Variants in RELN observed in about 807,000 individuals in gnomAD.
The protein encoded by RELN is reelin.
Under a neutral mutation model 427.6 loss-of-function variants are expected in RELN, and 108 were observed. That is an observed-to-expected ratio of 0.25 (90% CI 0.22 to 0.30). RELN has a LOEUF of 0.30. Among genes scored for constraint, RELN ranks in the 10% least tolerant of loss-of-function variants. RELN has a pLI of 1.00. For synonymous variants in RELN, 1,524 were observed against 1,513.4 expected, an observed-to-expected ratio of 1.01 and a Z score of -0.16; for missense variants, 3,715 against 4,302.8, an observed-to-expected ratio of 0.86 and a Z score of 3.82.
intron 17 of RELN, among the ~76,000 whole-genome samples, chr7:103,639,068 AAAT>A (rs1291638089): frequency 6.6e-6 from 1 of 152,206 alleles, no homozygotes; most frequent in Non-Finnish European, 1.5e-5. Flanking sequence ...ATTTTATTTG[AAAT>A]ACACTAAGAA....
At chr7:103,722,761 C>T (rs547118471) in intron 8 of RELN, among the ~76,000 whole-genome samples, 2 of 152,284 alleles carry the variant, frequency 1.3e-5, no homozygotes, top group African/African-American at 4.8e-5. Context: ...CAGTAATTAT[C>T]TTTCTCACTA....
At chr7:103,874,138 C>G (rs1193935114) in intron 2 of RELN, among the ~76,000 whole-genome samples, 1 of 140,644 alleles carries the variant, frequency 7.1e-6, no homozygotes, top group Non-Finnish European at 1.6e-5. Context: ...CAGAAAAAGC[C>G]TTTGACAAAA....
At chr7:103,565,169 C>A in intron 34 of RELN, 109 bp downstream of exon 34, 1 of 1,376,930 alleles carries the variant, frequency 7.3e-7, no homozygotes, top group Non-Finnish European at 1.0e-6. Context: ...CACTTCCATG[C>A]ATAATTATCA....
intron 1 of RELN, among the ~76,000 whole-genome samples, chr7:103,942,539 A>C (rs1402977298): frequency 6.6e-6 from 1 of 152,188 alleles, no homozygotes; most frequent in African/African-American, 2.4e-5. Context: ...GCTTACCAAA[A>C]ATCTAAGAAG....
In RELN at chr7:103,569,905, G is replaced by A. The variant is rs1830842497; in HGVS notation, c.4588+2279C>T. Among the ~76,000 whole-genome samples the A allele has an allele frequency of 6.6e-6, 1 of 152,140 alleles. No homozygotes were observed. The highest frequency in any genetic ancestry group is 2.4e-5 in the African/African-American group (1 of 41,410). ...CTCTTTTTAAACAGCAGCTCCATCT[G>A]CGTTATGCCCAGTCTTACTGAAAAT... is the stretch of plus-strand genomic sequence containing the variant. On this transcript the variant is annotated intron_variant, in intron 31 of 64. Coordinates refer to ENST00000428762, the MANE Select transcript of RELN (RefSeq NM_005045.4). The surrounding 1 kb of genome is among the most constrained non-coding windows in gnomAD (Gnocchi z 4.0).
At chr7:103,680,163 T>A (rs924168371) in intron 11 of RELN, among the ~76,000 whole-genome samples, 2 of 151,924 alleles carry the variant, frequency 1.3e-5, no homozygotes, top group East Asian at 3.9e-4. Flanking sequence ...TCTTGGAAGA[T>A]ACAGGCACAC....
chr7:103,978,805 G>C (rs1216849230), intron 1 of RELN, among the ~76,000 whole-genome samples: 2 of 152,084 alleles, frequency 1.3e-5, no homozygotes, highest in African/African-American at 2.4e-5. Flanking sequence ...TAACAGTCTG[G>C]CATAAACCAC....
At chr7:103,746,897 A>T (rs1226307087) in intron 6 of RELN, among the ~76,000 whole-genome samples, 2 of 152,132 alleles carry the variant, frequency 1.3e-5, no homozygotes, top group East Asian at 3.9e-4. Context: ...CATTTGACCC[A>T]GCCATCCCAT....
At chr7:103,822,515 G>A (rs2116375579) in intron 3 of RELN, among the ~76,000 whole-genome samples, 1 of 152,118 alleles carries the variant, frequency 6.6e-6, no homozygotes, top group Middle Eastern at 3.4e-3. Flanking sequence ...AGGTAGAAAT[G>A]GCAGAGTATA....
At chr7:103,697,724 T>A in intron 10 of RELN, 129 bp downstream of exon 10, 1 of 1,232,104 alleles carries the variant, frequency 8.1e-7, no homozygotes, top group Admixed American at 2.1e-5. Flanking sequence ...TATAAATAAG[T>A]ATATTATCTG....
rs116057819 is a variant in RELN, at chr7:103,539,130, G to C, written c.7128C>G (p.Ser2376=). The change falls in exon 45 of 65, where the codon TCC becomes TCG. Residue 2376 remains serine, a synonymous_variant. Transcript: ENST00000428762. The part of the protein sequence containing the change: ...VSTDVAVNED[S]FLQIDFAASC... ...AGGCAGCGAAGTCTATCTGTAGGAAGGAATCCTCATTCACGGCAACGTCTG... is the reference window on the plus strand; with the variant it reads ...AGGCAGCGAAGTCTATCTGTAGGAACGAATCCTCATTCACGGCAACGTCTG... 9.3e-6 allele frequency: 15 copies of C among 1,614,216 alleles called. No individual in the cohort carries two copies. Among genetic ancestry groups the C allele is most frequent in the Non-Finnish European group, 1.3e-5 (15 of 1,180,034 alleles).
chr7:103,618,159 C>A (rs890877251), intron 20 of RELN, among the ~76,000 whole-genome samples: 2 of 152,212 alleles, frequency 1.3e-5, no homozygotes, highest in Non-Finnish European at 2.9e-5. Flanking sequence ...TGTCTATGTT[C>A]TCACTTATTT....
intron 16 of RELN, among the ~76,000 whole-genome samples, chr7:103,643,344 C>T (rs1005161053): frequency 6.6e-6 from 1 of 152,018 alleles, no homozygotes; most frequent in African/African-American, 2.4e-5. Flanking sequence ...AATAGGAATG[C>T]TATTAATCTA....
chr7:103,589,253 C>G (rs1325080206), intron 28 of RELN, among the ~76,000 whole-genome samples: 8 of 152,148 alleles, frequency 5.3e-5, no homozygotes, highest in Admixed American at 5.2e-4. Context: ...AATTACCCAC[C>G]ATGGTGATAC....
intron 2 of RELN, among the ~76,000 whole-genome samples, chr7:103,891,301 C>G (rs1212807514): frequency 6.6e-6 from 1 of 152,054 alleles, no homozygotes. Flanking sequence ...GGATTATATG[C>G]ATGAAACTGG....
At chr7:103,551,622 G>GA (rs898367577) in intron 40 of RELN, among the ~76,000 whole-genome samples, 1 of 152,060 alleles carries the variant, frequency 6.6e-6, no homozygotes, top group African/African-American at 2.4e-5. Flanking sequence ...AAATCACAGT[G>GA]AAAAGACTGT....
At chr7:103,714,629 T>C (rs539013329) in intron 8 of RELN, among the ~76,000 whole-genome samples, 4 of 152,264 alleles carry the variant, frequency 2.6e-5, no homozygotes, top group South Asian at 4.1e-4. Context: ...TGCCTGCACA[T>C]AGAGGCAGCT....
At chr7:103,761,609 A>C (rs1584472054) in intron 4 of RELN, among the ~76,000 whole-genome samples, 4 of 151,632 alleles carry the variant, frequency 2.6e-5, no homozygotes, top group African/African-American at 9.7e-5. Context: ...TACAGCACCA[A>C]GACCAGTAAA....
At chr7:103,896,007 T>C (rs977516565) in intron 2 of RELN, among the ~76,000 whole-genome samples, 1 of 152,042 alleles carries the variant, frequency 6.6e-6, no homozygotes, top group Non-Finnish European at 1.5e-5. Flanking sequence ...AAAAGACAAC[T>C]CAATTTTTTT....
Sources: allele counts gnomAD v4.1 joint callset (sites outside exome capture counted in the v4.1 genomes callset), GRCh38; gene constraint gnomAD v4.1.1; non-coding constraint Gnocchi (gnomAD v3.1); transcripts MANE v1.5; gene names NCBI Gene and HGNC (gene_info 2026-07-23, HGNC 2026-07-21).